The following TMEM131 variants were observed in gnomAD, a reference collection of about 807,000 sequenced individuals.
TMEM131 encodes the protein transmembrane protein 131.
A neutral mutation model predicts 211.6 loss-of-function variants in TMEM131; 66 were observed. The ratio of observed to expected loss-of-function variants is 0.31; its 90% CI spans 0.26 to 0.38. The LOEUF (loss-of-function observed/expected upper bound fraction) is 0.38. Ranked by LOEUF, TMEM131 falls within the 10% of genes least tolerant of loss-of-function variation. The probability of loss-of-function intolerance (pLI) is 1.00; values close to 1 mark genes in which losing one functional copy is unlikely to be tolerated. For synonymous variants in TMEM131, 844 were observed against 841.3 expected, an observed-to-expected ratio of 1.00 and a Z score of -0.06; for missense variants, 2,036 against 2,299.3, an observed-to-expected ratio of 0.89 and a Z score of 2.34.
At chr2:97,965,201 C>T (rs1051823146) in intron 1 of TMEM131, among the ~76,000 whole-genome samples, 13 of 152,224 alleles carry the variant, frequency 8.5e-5, no homozygotes, top group African/African-American at 2.7e-4. Flanking sequence ...TTTAGACACA[C>T]GCCTTTGCTT....
In TMEM131 at chr2:97,995,670, G is replaced by A. The variant is rs904737589; in HGVS notation, c.-8C>T. The A allele has an allele frequency of 1.2e-5, 15 of 1,202,696 alleles. No individual in the cohort carries two copies. Among genetic ancestry groups the A allele is most frequent in the Non-Finnish European group, 1.4e-5 (14 of 968,888 alleles). The allele number at this position is 1,202,696 out of a possible 1,614,324, so 74.5% of individuals were successfully genotyped here. A position where few individuals can be genotyped will look rare whatever the true frequency, so the allele number is the denominator to read the frequency against. ...TCCCGCCCGCTTCCCCATCCCTGCCGGCCGGGGGCCGCCGCGCTCGAGGTC... is the reference window on the plus strand; with the variant it reads ...TCCCGCCCGCTTCCCCATCCCTGCCAGCCGGGGGCCGCCGCGCTCGAGGTC... On this transcript the variant is annotated 5_prime_UTR_variant, in exon 1 of 41. Transcript: ENST00000186436.
At chr2:97,780,751 G>A (rs939815066) in intron 31 of TMEM131, among the ~76,000 whole-genome samples, 3 of 152,154 alleles carry the variant, frequency 2.0e-5, no homozygotes, top group African/African-American at 7.2e-5. Flanking sequence ...GGGAAGGCAG[G>A]ATGTCTCCCA....
chr2:97,772,203 A>G (rs1573334299), intron 33 of TMEM131, 94 bp downstream of exon 33: 1 of 1,515,684 alleles, frequency 6.6e-7, no homozygotes, highest in Non-Finnish European at 8.9e-7. Context: ...CTAAAAGCCA[A>G]CCAGCCAGCC....
At chr2:97,933,336 T>C (rs1465291801) in intron 1 of TMEM131, among the ~76,000 whole-genome samples, 2 of 152,160 alleles carry the variant, frequency 1.3e-5, no homozygotes, top group Non-Finnish European at 2.9e-5. Flanking sequence ...TGGATGGACC[T>C]TGAAAATATT....
At position 97,859,171 on chromosome 2, in the gene TMEM131, GA is replaced by G; in HGVS notation, c.483+132del. The G allele has an allele frequency of 3.2e-6, 3 of 943,362 alleles. No homozygotes were observed. The South Asian group carries it at 5.7e-5, about 18-fold the overall frequency. 58.4% of individuals were successfully genotyped at this position (943,362 alleles called of 1,614,324 possible). On this transcript the variant is annotated intron_variant, in intron 5 of 40. Transcript: ENST00000186436. ...TAAGGGTAGAAGTAATCATTCTTAG[GA>G]AGTGAAACAAATCTAGGAACAGATT...
At chr2:97,906,044 G>A (rs540488856) in intron 3 of TMEM131, among the ~76,000 whole-genome samples, 23 of 152,220 alleles carry the variant, frequency 1.5e-4, no homozygotes, top group Admixed American at 1.3e-3. Flanking sequence ...TCTTATAAAC[G>A]GATGCTGTAA....
intron 1 of TMEM131, among the ~76,000 whole-genome samples, chr2:97,953,128 A>G (rs114302003): frequency 0.029 from 4,401 of 152,270 alleles, 81 homozygotes; most frequent in Middle Eastern, 0.065. Context: ...AATATAAGAG[A>G]CCATCCTTTT....
At chr2:97,896,921 T>G (rs1244483019) in intron 3 of TMEM131, among the ~76,000 whole-genome samples, 1 of 152,114 alleles carries the variant, frequency 6.6e-6, no homozygotes, top group Non-Finnish European at 1.5e-5. Context: ...AATCTAAAAC[T>G]GATCTGGGGA....
intron 4 of TMEM131, among the ~76,000 whole-genome samples, chr2:97,861,396 G>C (rs1194136724): frequency 6.6e-6 from 1 of 151,264 alleles, no homozygotes; most frequent in African/African-American, 2.4e-5. Flanking sequence ...GAGGAGAGGA[G>C]GGGGAAGAGA....
At chr2:97,875,961 T>TA (rs928502343) in intron 4 of TMEM131, among the ~76,000 whole-genome samples, 28 of 152,102 alleles carry the variant, frequency 1.8e-4, no homozygotes, top group Middle Eastern at 6.8e-3. Context: ...ACAAAATAGA[T>TA]AGACCACTAG....
chr2:97,834,247 G>T (rs1442878071), intron 10 of TMEM131, among the ~76,000 whole-genome samples: 1 of 152,072 alleles, frequency 6.6e-6, no homozygotes, highest in Non-Finnish European at 1.5e-5. Flanking sequence ...TCAACATTTT[G>T]TCAAAATGTA....
At chr2:97,813,808 TA>T (rs1163834537) in intron 15 of TMEM131, among the ~76,000 whole-genome samples, 162 bp downstream of exon 15, 2 of 152,034 alleles carry the variant, frequency 1.3e-5, no homozygotes, top group Admixed American at 1.3e-4. Context: ...CCAGAAAAGG[TA>T]AAAACTAGTT....
Position 97,756,972 on chromosome 2 carries a change from G to A in TMEM131, c.*127C>T. On this transcript the variant is annotated 3_prime_UTR_variant, in exon 41 of 41. Transcript: ENST00000186436. ...AGTGGTCTGAGCCTGCCCTGCTTGG[G>A]TCTGTTTTGCAAAGAAGAGGAGGGT... The A allele has an allele frequency of 1.7e-6, 2 of 1,159,542 alleles. No individual in the cohort carries two copies. Among genetic ancestry groups the A allele is most frequent in the South Asian group, 3.4e-5 (2 of 58,912 alleles). The allele number at this position is 1,159,542 out of a possible 1,614,324, so 71.8% of individuals were successfully genotyped here. A position where few individuals can be genotyped will look rare whatever the true frequency, so the allele number is the denominator to read the frequency against.
rs768273584 is a variant in TMEM131, at chr2:97,802,445, T to C, written c.2634A>G (p.Val878=). The C allele has an allele frequency of 1.4e-5, 23 of 1,607,972 alleles. No individual in the cohort carries two copies. The highest frequency in any genetic ancestry group is 1.8e-5 in the Non-Finnish European group (21 of 1,177,584). The change falls in exon 24 of 41, where the codon GTA becomes GTG. Residue 878 remains valine (V), a synonymous_variant. Transcript: ENST00000186436. ...ATACTTACCTTGATACTAACTTATCTACAAACACTGAAGGGTTGGAATATA... is the reference window on the plus strand; with the variant it reads ...ATACTTACCTTGATACTAACTTATCCACAAACACTGAAGGGTTGGAATATA... ...LALYSNPSVF[V]DKLVSRFNLS...
At chr2:97,872,332 G>A (rs1395082816) in intron 4 of TMEM131, among the ~76,000 whole-genome samples, 1 of 152,084 alleles carries the variant, frequency 6.6e-6, no homozygotes, top group African/African-American at 2.4e-5. Flanking sequence ...TAGTTTTCAA[G>A]CCCCAATGAT....
At chr2:97,958,754 C>T (rs143920621) in intron 1 of TMEM131, among the ~76,000 whole-genome samples, 1 of 152,194 alleles carries the variant, frequency 6.6e-6, no homozygotes, top group South Asian at 2.1e-4. Flanking sequence ...AGGAAAAATG[C>T]TGAAGCAGGC....
chr2:97,758,861 T>G (rs1573309139), intron 40 of TMEM131, 32 bp downstream of exon 40: 5 of 1,581,190 alleles, frequency 3.2e-6, no homozygotes, highest in Non-Finnish European at 3.4e-6. Flanking sequence ...GTGGGCCAGG[T>G]CCAGGCCCCA....
At chr2:97,823,892 G>A (rs1022332678) in intron 11 of TMEM131, among the ~76,000 whole-genome samples, 1 of 152,118 alleles carries the variant, frequency 6.6e-6, no homozygotes, top group African/African-American at 2.4e-5. Flanking sequence ...CAGGAGGAAG[G>A]TCCAAAAGCA....
chr2:97,849,717 CTTTTTTTTT>C (rs11320615), intron 5 of TMEM131, among the ~76,000 whole-genome samples: 1 of 103,826 alleles, frequency 9.6e-6, no homozygotes, highest in Non-Finnish European at 1.8e-5. Flanking sequence ...CTCTCTCTCT[CTTTTTTTTT>C]TTTTTTTTTT....
Sources: allele counts gnomAD v4.1 joint callset (sites outside exome capture counted in the v4.1 genomes callset), GRCh38; gene constraint gnomAD v4.1.1; transcripts MANE v1.5; gene names NCBI Gene and HGNC (gene_info 2026-07-23, HGNC 2026-07-21).